Variants in SH3PXD2A observed in about 807,000 individuals in gnomAD.
SH3PXD2A encodes SH3 and PX domain-containing protein 2A.
A neutral mutation model predicts 115.2 loss-of-function variants in SH3PXD2A; 32 were observed. That is an observed-to-expected ratio of 0.28 (90% CI 0.21 to 0.37). The LOEUF (loss-of-function observed/expected upper bound fraction) is 0.37, where lower values mean the gene tolerates loss of function less well. Among genes scored for constraint, SH3PXD2A ranks in the 10% least tolerant of loss-of-function variants. The pLI, the probability that SH3PXD2A is intolerant of heterozygous loss-of-function variation, is 1.00. For missense variants in SH3PXD2A, 1,328 were observed against 1,498.7 expected (o/e 0.89, Z 1.88); for synonymous variants, 610 against 629.1 (o/e 0.97, Z 0.45).
At chr10:103,797,079 G>C (rs2039098365) in intron 2 of SH3PXD2A, among the ~76,000 whole-genome samples, 1 of 152,014 alleles carries the variant, frequency 6.6e-6, no homozygotes, top group Admixed American at 6.6e-5. Flanking sequence ...GCCCAGGCTG[G>C]TCTTGAACTA....
chr10:103,695,554 A>G (rs1479937757), intron 5 of SH3PXD2A, among the ~76,000 whole-genome samples: 6 of 151,636 alleles, frequency 4.0e-5, no homozygotes, highest in Non-Finnish European at 8.8e-5. Flanking sequence ...CAAAACTCAC[A>G]TGCTTGGAGG....
chr10:103,738,219 C>T (rs559380524), intron 3 of SH3PXD2A, among the ~76,000 whole-genome samples: 3 of 152,210 alleles, frequency 2.0e-5, no homozygotes, highest in Non-Finnish European at 2.9e-5. Flanking sequence ...GGAGATAAAA[C>T]GTGATTTATC....
chr10:103,802,894 G>A (rs1220106377), intron 1 of SH3PXD2A, among the ~76,000 whole-genome samples: 2 of 152,156 alleles, frequency 1.3e-5, no homozygotes, highest in Admixed American at 6.5e-5. Flanking sequence ...TGGGGCTGGG[G>A]GGACTCTACC....
rs180912703 is a variant in SH3PXD2A at position 103,600,288 on chromosome 10, A to G, written c.*1528T>C. ...GTCAACAATTGAAAAACACAACCCA[A>G]AGGTGACAGAGGACCTACAGGGAAC... On this transcript the variant is annotated 3_prime_UTR_variant, in exon 15 of 15. Coordinates refer to ENST00000369774, the MANE Select transcript of SH3PXD2A (RefSeq NM_001394015.1). The G allele has an allele frequency of 6.5e-6, 1 of 152,682 alleles. No individual in the cohort carries two copies. 9.5% of individuals were successfully genotyped at this position (152,682 alleles called of 1,614,324 possible). A position where few individuals can be genotyped will look rare whatever the true frequency, so the allele number is the denominator to read the frequency against.
intron 3 of SH3PXD2A, among the ~76,000 whole-genome samples, chr10:103,755,974 C>A (rs932994398): frequency 3.9e-5 from 6 of 152,288 alleles, no homozygotes; most frequent in Admixed American, 1.3e-4. Context: ...TGCCAGCCAA[C>A]CCCCACCCTC....
At chr10:103,638,122 C>T (rs182855779) in intron 8 of SH3PXD2A, among the ~76,000 whole-genome samples, 34 of 152,326 alleles carry the variant, frequency 2.2e-4, no homozygotes, top group Non-Finnish European at 1.8e-4. Context: ...CCCACACAGC[C>T]CCTGCCTTCA....
intron 1 of SH3PXD2A, among the ~76,000 whole-genome samples, chr10:103,842,456 C>G (rs2134319243): frequency 6.6e-6 from 1 of 152,226 alleles, no homozygotes; most frequent in South Asian, 2.1e-4. Context: ...TTATTGTTAA[C>G]TACAATTTCC....
chr10:103,708,639 C>T (rs925214779), intron 5 of SH3PXD2A, among the ~76,000 whole-genome samples: 2 of 152,324 alleles, frequency 1.3e-5, no homozygotes, highest in Admixed American at 6.5e-5. Flanking sequence ...CTTCCCTGCC[C>T]TGTGTCACCT....
chr10:103,764,496 C>T (rs2038733929), intron 3 of SH3PXD2A, among the ~76,000 whole-genome samples: 1 of 152,196 alleles, frequency 6.6e-6, no homozygotes, highest in Non-Finnish European at 1.5e-5. Flanking sequence ...CTGACAACAT[C>T]ACCCGCTATG....
At chr10:103,617,359 C>T in intron 10 of SH3PXD2A, 45 bp from the exon 11 acceptor site, 2 of 1,382,046 alleles carry the variant, frequency 1.4e-6, no homozygotes, top group Non-Finnish European at 2.1e-6. Flanking sequence ...GGTCGGGGTG[C>T]AGGTCCTGCT....
intron 8 of SH3PXD2A, among the ~76,000 whole-genome samples, chr10:103,653,655 T>C (rs2037164475): frequency 6.6e-6 from 1 of 152,150 alleles, no homozygotes; most frequent in Non-Finnish European, 1.5e-5. Context: ...AGCACCCCCA[T>C]GCTCACTGCC....
intron 2 of SH3PXD2A, among the ~76,000 whole-genome samples, chr10:103,780,865 C>G (rs1010310675): frequency 6.6e-6 from 1 of 152,328 alleles, no homozygotes; most frequent in South Asian, 2.1e-4. Context: ...ATTTCATCTT[C>G]GGCTTCACAC....
intron 11 of SH3PXD2A, among the ~76,000 whole-genome samples, chr10:103,614,052 G>C (rs1445248452): frequency 6.6e-6 from 1 of 151,928 alleles, no homozygotes; most frequent in Non-Finnish European, 1.5e-5. Context: ...AGGCCAGCCT[G>C]GGCTACATAG....
At chr10:103,753,642 G>A (rs1335655872) in intron 3 of SH3PXD2A, among the ~76,000 whole-genome samples, 12 of 152,088 alleles carry the variant, frequency 7.9e-5, no homozygotes, top group Admixed American at 7.9e-4. Flanking sequence ...GAGTCTTCAT[G>A]TGTCAAGTAG....
At chr10:103,633,642 C>G (rs374626367) in intron 8 of SH3PXD2A, among the ~76,000 whole-genome samples, 62 of 143,444 alleles carry the variant, frequency 4.3e-4, no homozygotes, top group African/African-American at 1.5e-3. Flanking sequence ...GCATGAGAAT[C>G]GCTTGAACCC....
In SH3PXD2A at chr10:103,815,427, TAC is replaced by T. The variant is rs572395591; in HGVS notation, c.73-14067_73-14066del. 6.8e-4 allele frequency among the ~76,000 whole-genome samples: 101 copies of T among 148,514 alleles called. 1 individual carries two copies. Among genetic ancestry groups the T allele is most frequent in the Middle Eastern group, 3.6e-3 (1 of 280 alleles). ...ACACTATATGTATTTATATACAATA[TAC>T]ACACACACATATACAGTGTATAATA... On this transcript the variant is annotated intron_variant, in intron 1 of 14. Coordinates refer to ENST00000369774, the MANE Select transcript of SH3PXD2A (RefSeq NM_001394015.1).
At chr10:103,692,980 C>T (rs1295755543) in intron 6 of SH3PXD2A, 48 bp downstream of exon 6, 4 of 1,560,310 alleles carry the variant, frequency 2.6e-6, no homozygotes, top group South Asian at 1.1e-5. Flanking sequence ...GGCGCGTGCA[C>T]GAAGCGGGAA....
intron 6 of SH3PXD2A, among the ~76,000 whole-genome samples, chr10:103,684,344 AC>A: frequency 6.7e-6 from 1 of 149,028 alleles, no homozygotes; most frequent in South Asian, 2.2e-4. Context: ...GAATAGAGGA[AC>A]TTTTTCAGGT....
chr10:103,725,592 C>T (rs564330063), intron 4 of SH3PXD2A, among the ~76,000 whole-genome samples: 9 of 152,032 alleles, frequency 5.9e-5, no homozygotes, highest in African/African-American at 1.9e-4. Context: ...TTTGGGAGGC[C>T]GAGGTGGGCA....
Sources: gnomAD v4.1 joint callset for allele counts (sites outside exome capture counted in the v4.1 genomes callset) on GRCh38, gnomAD v4.1.1 for gene constraint, MANE v1.5 for transcripts, NCBI Gene and HGNC (gene_info 2026-07-23, HGNC 2026-07-21) for gene names.